Variants in CHN2 observed in about 807,000 individuals in gnomAD.
The protein encoded by CHN2 is beta-chimaerin.
In CHN2, 35 loss-of-function variants were observed where a neutral mutation model predicts 56.3. The ratio of observed to expected loss-of-function variants is 0.62; its 90% CI spans 0.47 to 0.82. The LOEUF (loss-of-function observed/expected upper bound fraction) is 0.82. Among genes scored for constraint, CHN2 ranks in the 40% least tolerant of loss-of-function variants. CHN2 has a pLI of 0.00. For missense variants in CHN2, 491 were observed against 580.5 expected (o/e 0.85, Z 1.58); for synonymous variants, 210 against 212.8 (o/e 0.99, Z 0.12).
At chr7:29,414,529 G>C (rs1803542240) in intron 6 of CHN2, among the ~76,000 whole-genome samples, 1 of 152,068 alleles carries the variant, frequency 6.6e-6, no homozygotes, top group Non-Finnish European at 1.5e-5. Flanking sequence ...CAGTGGGCAG[G>C]GGAGCTGAAA....
At chr7:29,464,958 C>T (rs1387264408) in intron 6 of CHN2, among the ~76,000 whole-genome samples, 6 of 152,166 alleles carry the variant, frequency 3.9e-5, no homozygotes, top group Non-Finnish European at 7.4e-5. Flanking sequence ...GGATCAAAGC[C>T]GCCAGCCGTG....
chr7:29,172,776 CT>C (rs1197123798), intron 2 of CHN2, among the ~76,000 whole-genome samples: 7 of 151,378 alleles, frequency 4.6e-5, no homozygotes, highest in African/African-American at 1.7e-4. Context: ...TATTATAAAA[CT>C]TTTTTTTTCA....
chr7:29,483,771 A>G, intron 7 of CHN2: 9 of 1,135,918 alleles, frequency 7.9e-6, no homozygotes, highest in Non-Finnish European at 8.8e-6. Flanking sequence ...AGCCAACCCC[A>G]GAGGCCCGGC....
intron 7 of CHN2, among the ~76,000 whole-genome samples, chr7:29,483,341 G>C (rs1292320322): frequency 6.6e-6 from 1 of 152,206 alleles, no homozygotes; most frequent in Non-Finnish European, 1.5e-5. Flanking sequence ...AAAGCTCACA[G>C]TCACTGCCTT....
chr7:29,498,843 C>A (rs1230382879), intron 8 of CHN2, among the ~76,000 whole-genome samples: 2 of 147,114 alleles, frequency 1.4e-5, no homozygotes, highest in African/African-American at 5.1e-5. Context: ...CTTACTGCAA[C>A]CTCTGCCTCC....
At position 29,512,878 on chromosome 7, in the gene CHN2, CTG is replaced by C. The variant is rs1260407462; in HGVS notation, c.*147_*148del. The C allele has an allele frequency of 2.3e-6, 2 of 870,916 alleles. No homozygotes were observed. The highest frequency in any genetic ancestry group is 3.5e-6 in the Non-Finnish European group (2 of 578,022). 53.9% of individuals were successfully genotyped at this position (870,916 alleles called of 1,614,324 possible). On this transcript the variant is annotated 3_prime_UTR_variant, in exon 13 of 13. Transcript: ENST00000222792. The stretch of plus-strand genomic sequence containing the variant: ...CTGCAGAGGATCGCTGAGTGGGGTA[CTG>C]TGTCTCATAGACATGCGCCACCTCC...
chr7:29,402,317 GC>G (rs1309869053), intron 6 of CHN2, among the ~76,000 whole-genome samples: 2 of 152,240 alleles, frequency 1.3e-5, no homozygotes, highest in East Asian at 3.9e-4. Context: ...AATATAATTT[GC>G]CATTTTCTTT....
At chr7:29,326,283 G>A (rs573181673) in intron 1 of CHN2, among the ~76,000 whole-genome samples, 4 of 152,218 alleles carry the variant, frequency 2.6e-5, no homozygotes, top group South Asian at 4.1e-4. Flanking sequence ...TCAGCCTCCC[G>A]AGTAGCTGGG....
chr7:29,361,762 T>A (rs1429911061), intron 2 of CHN2, among the ~76,000 whole-genome samples: 1 of 152,208 alleles, frequency 6.6e-6, no homozygotes, highest in Non-Finnish European at 1.5e-5. Context: ...CCTGCATCCT[T>A]TATTTGTATA....
At chr7:29,149,285 C>T (rs909431448) in intron 2 of CHN2, among the ~76,000 whole-genome samples, 1 of 150,972 alleles carries the variant, frequency 6.6e-6, no homozygotes, top group East Asian at 1.9e-4. Flanking sequence ...CTCCACCTCC[C>T]GGGTTCAAGC....
Position 29,220,848 on chromosome 7 carries a change from C to T in CHN2, c.49+25858C>T, listed in dbSNP as rs181440695. ...GACAAGAACTTACTAGTAAAGAAAA[C>T]CACCACCCAGTATCTTTCATGAATC... On this transcript the variant is annotated intron_variant, in intron 1 of 12. Transcript: ENST00000222792. Among the ~76,000 whole-genome samples the T allele has an allele frequency of 1.5e-3, 234 of 152,230 alleles. 1 individual carries two copies. Among genetic ancestry groups the T allele is most frequent in the African/African-American group, 5.3e-3 (219 of 41,544 alleles).
intron 1 of CHN2, among the ~76,000 whole-genome samples, chr7:29,335,246 T>C (rs1257370519): frequency 1.3e-5 from 2 of 152,196 alleles, no homozygotes; most frequent in Non-Finnish European, 2.9e-5. Context: ...TATTGCAATA[T>C]AACAGATTAA....
At chr7:29,279,067 C>T (rs1407143043) in intron 1 of CHN2, among the ~76,000 whole-genome samples, 3 of 152,026 alleles carry the variant, frequency 2.0e-5, no homozygotes, top group African/African-American at 7.2e-5. Context: ...CATAGCCATG[C>T]TTGTAGCTTG....
At chr7:29,302,768 C>T (rs1793796557) in intron 1 of CHN2, among the ~76,000 whole-genome samples, 2 of 152,100 alleles carry the variant, frequency 1.3e-5, no homozygotes, top group South Asian at 4.1e-4. Flanking sequence ...CTATTCTCCT[C>T]CCCTCTCCAG....
rs1057293424 is a variant in CHN2, at chr7:29,419,849, C to T, written c.576+19021C>T. ...CTGTAATTCCAGCACTTTGGGAGGC[C>T]AGGAGTTCCAGACCAGCCTGGCCAA... is the stretch of plus-strand genomic sequence containing the variant. On this transcript the variant is annotated intron_variant, in intron 6 of 12. Coordinates refer to ENST00000222792, the MANE Select transcript of CHN2 (RefSeq NM_004067.4). 3.9e-5 allele frequency among the ~76,000 whole-genome samples: 6 copies of T among 152,116 alleles called. No homozygotes were observed. In the East Asian group the frequency reaches 1.2e-3, roughly 29 times the overall value.
chr7:29,392,034 C>T (rs563510649), intron 3 of CHN2, among the ~76,000 whole-genome samples: 7 of 152,286 alleles, frequency 4.6e-5, no homozygotes, highest in African/African-American at 1.7e-4. Context: ...GAGAGCTACA[C>T]CCAGATTTTG....
chr7:29,487,537 A>G (rs192868408), intron 7 of CHN2, among the ~76,000 whole-genome samples: 1 of 152,266 alleles, frequency 6.6e-6, no homozygotes, highest in East Asian at 1.9e-4. Context: ...TAAATAGACT[A>G]TTATACAGGA....
chr7:29,265,543 G>A (rs1244208561), intron 1 of CHN2, among the ~76,000 whole-genome samples: 1 of 152,224 alleles, frequency 6.6e-6, no homozygotes, highest in Non-Finnish European at 1.5e-5. Context: ...GGGACTCCTG[G>A]AGTGAAGACA....
At chr7:29,212,991 G>T in intron 1 of CHN2, 1 of 1,603,670 alleles carries the variant, frequency 6.2e-7, no homozygotes, top group East Asian at 2.2e-5. Flanking sequence ...CCCAGTCCTG[G>T]AACAATCAGG....
Sources: gnomAD v4.1 joint callset for allele counts (sites outside exome capture counted in the v4.1 genomes callset) on GRCh38, gnomAD v4.1.1 for gene constraint, MANE v1.5 for transcripts, NCBI Gene and HGNC (gene_info 2026-07-23, HGNC 2026-07-21) for gene names.